The following BLCAP variants were observed in gnomAD, a reference collection of about 807,000 sequenced individuals.
BLCAP encodes BLCAP apoptosis inducing factor.
In BLCAP, 1 loss-of-function variant was observed where a neutral mutation model predicts 5.7. That is an observed-to-expected ratio of 0.18 (90% CI 0.06 to 0.83). BLCAP has a LOEUF of 0.83. Among genes scored for constraint, BLCAP ranks in the 40% least tolerant of loss-of-function variants. The pLI is 0.71. For missense variants in BLCAP, 66 were observed against 107.6 expected (o/e 0.61, Z 1.71); for synonymous variants, 48 against 49.4 (o/e 0.97, Z 0.11).
chr20:37,523,318 G>GCTGCATTTGCTCT (rs2071656434), intron 1 of BLCAP: 1 of 152,568 alleles, frequency 6.6e-6, no homozygotes, highest in South Asian at 2.1e-4. Context: ...TTCCAGCCTC[G>GCTGCATTTGCTCT]CTGCATTTGC....
Position 37,521,484 on chromosome 20 carries a change from C to T in BLCAP, c.-176-2134G>A. On this transcript the variant is annotated intron_variant, in intron 1 of 1. Transcript: ENST00000373537. This position sits in a 1 kb window ranked among gnomAD's most constrained non-coding sequence, Gnocchi z 4.5. ...CCGCAAGACTGCGTCGCGATTGCCG[C>T]TTCCCGGACCCGTCCTATTCCGATT... 1.5e-6 allele frequency: 2 copies of T among 1,367,764 alleles called. No homozygotes were observed. Among genetic ancestry groups the T allele is most frequent in the South Asian group, 1.2e-5 (1 of 85,560 alleles). 84.7% of individuals were successfully genotyped at this position (1,367,764 alleles called of 1,614,324 possible).
In BLCAP at chr20:37,519,842, T is replaced by A. The variant is rs373589193; in HGVS notation, c.-176-492A>T. ...CAGCCATAGGTGCTCAGGCACTAAG[T>A]GCAGAGTTAAAGCTGTTAGCGGGGC... On this transcript the variant is annotated intron_variant, in intron 1 of 1. Coordinates refer to ENST00000373537, the MANE Select transcript of BLCAP (RefSeq NM_006698.4). Among the ~76,000 whole-genome samples the A allele has an allele frequency of 5.9e-5, 9 of 152,354 alleles. No homozygotes were observed. The East Asian group carries it at 1.7e-3, about 29-fold the overall frequency.
rs2071579080 is a variant in BLCAP, at chr20:37,521,637, C to T, written c.-176-2287G>A. ...CCTGCCAGGGAACAAAGACTCGGGGCGCGGCGGGCGACCGCTGCGGACGAT... is the reference window on the plus strand; with the variant it reads ...CCTGCCAGGGAACAAAGACTCGGGGTGCGGCGGGCGACCGCTGCGGACGAT... On this transcript the variant is annotated intron_variant, in intron 1 of 1. Coordinates refer to ENST00000373537, the MANE Select transcript of BLCAP (RefSeq NM_006698.4). This position sits in a 1 kb window ranked among gnomAD's most constrained non-coding sequence, Gnocchi z 4.5. The T allele has an allele frequency of 5.6e-6, 3 of 532,568 alleles. No individual in the cohort carries two copies. Among genetic ancestry groups the T allele is most frequent in the East Asian group, 3.3e-5 (1 of 30,676 alleles). The allele number at this position is 532,568 out of a possible 1,614,324, so 33.0% of individuals were successfully genotyped here.
intron 1 of BLCAP, among the ~76,000 whole-genome samples, chr20:37,524,200 C>T (rs1962194512): frequency 6.6e-6 from 1 of 152,156 alleles, no homozygotes; most frequent in South Asian, 2.1e-4. Context: ...GTGGCGCCTT[C>T]TTCACCCAGC....
chr20:37,522,598 G>GGTGGCC, intron 1 of BLCAP: 1 of 864,476 alleles, frequency 1.2e-6, no homozygotes, highest in Non-Finnish European at 1.7e-6. Context: ...GCGGGGGTGG[G>GGTGGCC]CACGGCAGCA....
Position 37,521,394 on chromosome 20 carries a change from G to A in BLCAP, c.-176-2044C>T. The A allele has an allele frequency of 6.2e-7, 1 of 1,614,124 alleles. No homozygotes were observed. The highest frequency in any genetic ancestry group is 1.1e-5 in the South Asian group (1 of 91,086). ...TCATCGGCTGGTACATCTTCCGCGT[G>A]CTGCTGCAGGTAAGTCTGACGGGGT... On this transcript the variant is annotated intron_variant, in intron 1 of 1. Coordinates refer to ENST00000373537, the MANE Select transcript of BLCAP (RefSeq NM_006698.4). This position sits in a 1 kb window ranked among gnomAD's most constrained non-coding sequence, Gnocchi z 4.5.
In BLCAP at chr20:37,521,429, G is replaced by A. The variant is rs754099189; in HGVS notation, c.-176-2079C>T. The A allele has an allele frequency of 1.9e-6, 3 of 1,612,232 alleles. No homozygotes were observed. In the South Asian group the frequency reaches 3.3e-5, roughly 18 times the overall value. On this transcript the variant is annotated intron_variant, in intron 1 of 1. Coordinates refer to ENST00000373537, the MANE Select transcript of BLCAP (RefSeq NM_006698.4). The surrounding 1 kb of genome is among the most constrained non-coding windows in gnomAD (Gnocchi z 4.5). ...GTAAGTCTGACGGGGTTTCGGGTGG[G>A]AGAGGGTTCCCAACTCGCGCCCCTA...
At chr20:37,520,987 G>A (rs1011681953) in intron 1 of BLCAP, among the ~76,000 whole-genome samples, 2 of 152,220 alleles carry the variant, frequency 1.3e-5, no homozygotes, top group Admixed American at 6.5e-5. Flanking sequence ...CCCCATTCTC[G>A]CCCTGTACTC....
At chr20:37,527,741 G>A (rs1396026473) in intron 1 of BLCAP, 52 bp downstream of exon 1, 1 of 152,268 alleles carries the variant, frequency 6.6e-6, no homozygotes, top group African/African-American at 2.4e-5. Flanking sequence ...ATGGCGGCGC[G>A]GCCGCATGGA....
chr20:37,526,676 T>C (rs1483273189), intron 1 of BLCAP: 1 of 152,146 alleles, frequency 6.6e-6, no homozygotes, highest in Non-Finnish European at 1.5e-5. Flanking sequence ...AGATTAAAGG[T>C]TAAACTGTTT....
rs921113925 is a variant in BLCAP at position 37,521,536 on chromosome 20, C to T, written c.-176-2186G>A. 2.2e-6 allele frequency: 2 copies of T among 920,700 alleles called. No homozygotes were observed. The highest frequency in any genetic ancestry group is 2.6e-5 in the East Asian group (1 of 38,736). The allele number at this position is 920,700 out of a possible 1,614,324, so 57.0% of individuals were successfully genotyped here. A position where few individuals can be genotyped will look rare whatever the true frequency, so the allele number is the denominator to read the frequency against. On this transcript the variant is annotated intron_variant, in intron 1 of 1. Transcript: ENST00000373537. The surrounding 1 kb of genome is among the most constrained non-coding windows in gnomAD (Gnocchi z 4.5). The stretch of plus-strand genomic sequence containing the variant: ...CCGCGATCCTTGCCTGCCCAAGTGC[C>T]GCTGCCGGCACCGCGCGCCCCCTGC...
Position 37,521,596 on chromosome 20 carries a change from C to T in BLCAP, c.-176-2246G>A. ...GCGCCGTCCTCCTCGCGCTGACCCT[C>T]CCTAGTGCGCCCGCGCCTGCCAGGG... On this transcript the variant is annotated intron_variant, in intron 1 of 1. Coordinates refer to ENST00000373537, the MANE Select transcript of BLCAP (RefSeq NM_006698.4). This position sits in a 1 kb window ranked among gnomAD's most constrained non-coding sequence, Gnocchi z 4.5. The T allele has an allele frequency of 1.7e-6, 1 of 590,046 alleles. No homozygotes were observed. Among genetic ancestry groups the T allele is most frequent in the Non-Finnish European group, 3.0e-6 (1 of 335,256 alleles). 36.6% of individuals were successfully genotyped at this position (590,046 alleles called of 1,614,324 possible). A position where few individuals can be genotyped will look rare whatever the true frequency, so the allele number is the denominator to read the frequency against.
rs1601081524 is a variant in BLCAP at position 37,517,626 on chromosome 20, G to C, written c.*1285C>G. The C allele has an allele frequency of 6.6e-6, 1 of 152,484 alleles. No homozygotes were observed. Among genetic ancestry groups the C allele is most frequent in the Non-Finnish European group, 1.5e-5 (1 of 68,034 alleles). 9.4% of individuals were successfully genotyped at this position (152,484 alleles called of 1,614,324 possible). A position where few individuals can be genotyped will look rare whatever the true frequency, so the allele number is the denominator to read the frequency against. On this transcript the variant is annotated 3_prime_UTR_variant, in exon 2 of 2. Transcript: ENST00000373537. ...ATGGATGGATCAGACTGAAAGGACA[G>C]GCATGCTGATCTCCAGCAGGCAGGG... is the stretch of plus-strand genomic sequence containing the variant.
chr20:37,524,354 T>C (rs1386261250), intron 1 of BLCAP: 1 of 152,264 alleles, frequency 6.6e-6, no homozygotes, highest in Non-Finnish European at 1.5e-5. Flanking sequence ...AGCACCAGCC[T>C]CCGTATTCTT....
At chr20:37,522,589 CGGGGGTGGG>C (rs2147191128) in intron 1 of BLCAP, 6 of 662,100 alleles carry the variant, frequency 9.1e-6, no homozygotes, top group Non-Finnish European at 1.2e-5. Flanking sequence ...GGGGGTGGGG[CGGGGGTGGG>C]CACGGCAGCA....
At chr20:37,524,301 C>T (rs1209091339) in intron 1 of BLCAP, 3 of 152,376 alleles carry the variant, frequency 2.0e-5, no homozygotes, top group Non-Finnish European at 4.4e-5. Flanking sequence ...CCCCACCTCA[C>T]CCCAGAAACC....
intron 1 of BLCAP, chr20:37,526,897 A>C (rs377053622): frequency 1.3e-5 from 2 of 152,252 alleles, no homozygotes; most frequent in African/African-American, 4.8e-5. Flanking sequence ...GTTGCCGTCC[A>C]GAAGGCTGAC....
chr20:37,521,566 T>C lies in BLCAP; in HGVS notation c.-176-2216A>G, dbSNP rs1353231451. 8.6e-6 allele frequency: 6 copies of C among 699,190 alleles called. No homozygotes were observed. In the Admixed American group the frequency reaches 1.4e-4, roughly 16 times the overall value. The allele number at this position is 699,190 out of a possible 1,614,324, so 43.3% of individuals were successfully genotyped here. A position where few individuals can be genotyped will look rare whatever the true frequency, so the allele number is the denominator to read the frequency against. On this transcript the variant is annotated intron_variant, in intron 1 of 1. Coordinates refer to ENST00000373537, the MANE Select transcript of BLCAP (RefSeq NM_006698.4). This position sits in a 1 kb window ranked among gnomAD's most constrained non-coding sequence, Gnocchi z 4.5. The stretch of plus-strand genomic sequence containing the variant: ...CCGGCACCGCGCGCCCCCTGCCCAT[T>C]CCCTGCGCCGTCCTCCTCGCGCTGA...
chr20:37,519,073 G>A lies in BLCAP; in HGVS notation c.102C>T (p.Leu34=), dbSNP rs369159064. 27 of 1,614,052 alleles carry A rather than the reference G, an allele frequency of 1.7e-5. No individual in the cohort carries two copies. Among genetic ancestry groups the A allele is most frequent in the Non-Finnish European group, 2.3e-5 (27 of 1,180,036 alleles). Residue 34 remains leucine, a synonymous_variant, in exon 2 of 2, where the codon CTC becomes CTT. Coordinates refer to ENST00000373537, the MANE Select transcript of BLCAP (RefSeq NM_006698.4). ...SHSMFMGFYL[L]SFLLERKPCT... ...AAGGCTTCCGTTCCAGGAGGAAGCT[G>A]AGCAGGTAGAAGCCCATGAACATGG...
Sources: allele counts gnomAD v4.1 joint callset (sites outside exome capture counted in the v4.1 genomes callset), GRCh38; gene constraint gnomAD v4.1.1; non-coding constraint Gnocchi (gnomAD v3.1); transcripts MANE v1.5; gene names NCBI Gene and HGNC (gene_info 2026-07-23, HGNC 2026-07-21).